ADAMTSL1: variants seen among roughly 807,000 people sequenced by gnomAD.
The protein encoded by ADAMTSL1 is ADAMTS like 1.
ADAMTSL1 carries 126 observed loss-of-function variants against 201.8 expected under a neutral mutation model. The ratio of observed to expected loss-of-function variants is 0.62; its 90% confidence interval spans 0.54 to 0.72. The LOEUF is 0.72. ADAMTSL1 is among the 30% of genes least tolerant of loss of function. The pLI, the probability that ADAMTSL1 is intolerant of heterozygous loss-of-function variation, is 0.00. For synonymous variants in ADAMTSL1, 1,121 were observed against 903.4 expected (o/e 1.24, Z -4.32); for missense variants, 2,679 against 2,277.8 (o/e 1.18, Z -3.59).
intron 7 of ADAMTSL1, among the ~76,000 whole-genome samples, chr9:18,650,658 T>A (rs921800504): frequency 2.6e-5 from 4 of 152,200 alleles, no homozygotes; most frequent in African/African-American, 9.7e-5. Context: ...TTGCCCTTAG[T>A]TCTAAAATAA....
At chr9:18,674,899 T>G (rs956475119) in intron 9 of ADAMTSL1, among the ~76,000 whole-genome samples, 1 of 152,132 alleles carries the variant, frequency 6.6e-6, no homozygotes, top group African/African-American at 2.4e-5. Context: ...CCAAAACCCA[T>G]GAATCATTAG....
At chr9:18,237,637 A>G (rs568020387) in intron 2 of ADAMTSL1, among the ~76,000 whole-genome samples, 3 of 152,206 alleles carry the variant, frequency 2.0e-5, no homozygotes, top group African/African-American at 7.2e-5. Context: ...TACTTCTTCT[A>G]TGTTATATAA....
At chr9:18,006,498 A>T (rs1819834055) in intron 1 of ADAMTSL1, among the ~76,000 whole-genome samples, 1 of 152,000 alleles carries the variant, frequency 6.6e-6, no homozygotes, top group Admixed American at 6.6e-5. Flanking sequence ...TCAGTGCTTA[A>T]TACATGTCCT....
chr9:18,124,053 A>C (rs1432064914), intron 1 of ADAMTSL1, among the ~76,000 whole-genome samples: 2 of 121,072 alleles, frequency 1.7e-5, no homozygotes, highest in Non-Finnish European at 3.5e-5. Context: ...GATGTTGAGT[A>C]TCTTTTTATG....
chr9:18,074,307 T>C (rs1823097539), intron 1 of ADAMTSL1, among the ~76,000 whole-genome samples: 1 of 152,172 alleles, frequency 6.6e-6, no homozygotes, highest in Admixed American at 6.5e-5. Context: ...CAGATGTCTG[T>C]ATGCTGCCAA....
At chr9:18,374,952 GA>G (rs1326722451) in intron 2 of ADAMTSL1, among the ~76,000 whole-genome samples, 2 of 152,230 alleles carry the variant, frequency 1.3e-5, no homozygotes, top group Admixed American at 6.5e-5. Flanking sequence ...TTGGGACTAT[GA>G]TTTGAATACT....
chr9:18,280,186 T>C (rs781474315), intron 2 of ADAMTSL1, among the ~76,000 whole-genome samples: 25 of 152,030 alleles, frequency 1.6e-4, no homozygotes, highest in Middle Eastern at 6.8e-3. Context: ...GTCTGGAGCC[T>C]GGTCTCCACT....
intron 2 of ADAMTSL1, among the ~76,000 whole-genome samples, chr9:18,418,344 T>C (rs1818783056): frequency 6.6e-6 from 1 of 152,076 alleles, no homozygotes; most frequent in Non-Finnish European, 1.5e-5. Flanking sequence ...TATTCAACAT[T>C]GTACTGGGAG....
intron 2 of ADAMTSL1, among the ~76,000 whole-genome samples, chr9:18,185,424 C>A (rs751550695): frequency 6.6e-6 from 1 of 152,112 alleles, no homozygotes; most frequent in Non-Finnish European, 1.5e-5. Context: ...TCTGACACTT[C>A]TATTTCAGCC....
At chr9:18,115,057 T>C (rs1825192260) in intron 1 of ADAMTSL1, among the ~76,000 whole-genome samples, 1 of 152,176 alleles carries the variant, frequency 6.6e-6, no homozygotes, top group African/African-American at 2.4e-5. Flanking sequence ...CATTCTAACT[T>C]GCCAGGTTTT....
intron 2 of ADAMTSL1, among the ~76,000 whole-genome samples, chr9:18,397,860 A>C (rs1817816013): frequency 6.6e-6 from 1 of 152,180 alleles, no homozygotes; most frequent in Non-Finnish European, 1.5e-5. Flanking sequence ...CAGATGTCTT[A>C]AGGTCATTTA....
chr9:18,871,221 ATATGTTTGGTCAGT>A (rs1554652346), intron 23 of ADAMTSL1, among the ~76,000 whole-genome samples: 1 of 152,198 alleles, frequency 6.6e-6, no homozygotes, highest in Non-Finnish European at 1.5e-5. Context: ...TATTAGAAAA[ATATGTTTGGTCAGT>A]TATTTTCATA....
chr9:18,731,983 A>C lies in ADAMTSL1; in HGVS notation c.2006+10318A>C, dbSNP rs560164991. 2.6e-5 allele frequency among the ~76,000 whole-genome samples: 4 copies of C among 152,296 alleles called. No homozygotes were observed. The South Asian group carries it at 8.3e-4, about 32-fold the overall frequency. On this transcript the variant is annotated intron_variant, in intron 15 of 28. Coordinates refer to ENST00000380548, the MANE Select transcript of ADAMTSL1 (RefSeq NM_001040272.6). ...ATGATATTCGGGCAGGACAAACTAC[A>C]TCAGCTGGCCACGTTACCTCTCTAA...
At chr9:18,697,745 A>G (rs908905000) in intron 13 of ADAMTSL1, among the ~76,000 whole-genome samples, 3 of 152,230 alleles carry the variant, frequency 2.0e-5, no homozygotes, top group African/African-American at 7.2e-5. Context: ...GGTCAAGAAT[A>G]ACTCCTGATT....
chr9:18,495,382 T>C (rs1478821392), intron 1 of ADAMTSL1, among the ~76,000 whole-genome samples: 1 of 152,092 alleles, frequency 6.6e-6, no homozygotes, highest in Admixed American at 6.6e-5. Context: ...TAAAATCAAA[T>C]AAGGAACTGT....
chr9:18,100,928 C>T (rs1054958683), intron 1 of ADAMTSL1, among the ~76,000 whole-genome samples: 1 of 152,170 alleles, frequency 6.6e-6, no homozygotes, highest in Non-Finnish European at 1.5e-5. Flanking sequence ...TTTGCACTGC[C>T]GTGTCCCATA....
intron 2 of ADAMTSL1, among the ~76,000 whole-genome samples, chr9:18,398,908 T>A (rs2133254329): frequency 6.6e-6 from 1 of 152,236 alleles, no homozygotes; most frequent in Non-Finnish European, 1.5e-5. Flanking sequence ...AAGAGTGAAA[T>A]TCAGATGATA....
chr9:18,472,134 G>A (rs1821239189), upstream of ADAMTSL1, among the ~76,000 whole-genome samples: 1 of 152,160 alleles, frequency 6.6e-6, no homozygotes, highest in Non-Finnish European at 1.5e-5. Flanking sequence ...TTCAGTTAAT[G>A]ACTGTGATAG....
rs144199906 is a variant in ADAMTSL1 at position 18,288,009 on chromosome 9, C to T, written c.207+124028C>T. On this transcript the variant is annotated intron_variant, in intron 2 of 29. Coordinates refer to the ADAMTSL1 transcript ENST00000680146. The stretch of plus-strand genomic sequence containing the variant: ...ATTGAGATTGAGTTCTGCTTTGGAT[C>T]ATACCTAGGACTGGGCTTGAAAGAA... Among the ~76,000 whole-genome samples, 605 of 152,218 alleles carry T rather than the reference C, an allele frequency of 4.0e-3. 4 individuals are homozygous for T. Among genetic ancestry groups the T allele is most frequent in the African/African-American group, 0.014 (571 of 41,538 alleles).
Sources: allele counts gnomAD v4.1 joint callset (sites outside exome capture counted in the v4.1 genomes callset), GRCh38; gene constraint gnomAD v4.1.1; transcripts MANE v1.5; gene names NCBI Gene and HGNC (gene_info 2026-07-23, HGNC 2026-07-21).